The following CHMP4B variants were observed in gnomAD, a reference collection of about 807,000 sequenced individuals.
CHMP4B encodes the protein SNF7 homolog associated with Alix 1.
Under a neutral mutation model 25.1 loss-of-function variants are expected in CHMP4B, and 1 was observed. The ratio of observed to expected loss-of-function variants is 0.04; its 90% CI spans 0.01 to 0.19. CHMP4B has a LOEUF of 0.19. CHMP4B is among the 10% of genes least tolerant of loss of function. CHMP4B has a pLI of 1.00. For synonymous variants in CHMP4B, 101 were observed against 115.6 expected, an observed-to-expected ratio of 0.87 and a Z score of 0.81; for missense variants, 151 against 289.7, an observed-to-expected ratio of 0.52 and a Z score of 3.48.
chr20:33,836,292 G>A (rs184954159), intron 1 of CHMP4B, among the ~76,000 whole-genome samples: 32 of 151,916 alleles, frequency 2.1e-4, no homozygotes, highest in African/African-American at 7.0e-4. Flanking sequence ...TATTTCTGTC[G>A]TCCTATATTC....
intron 1 of CHMP4B, among the ~76,000 whole-genome samples, chr20:33,825,990 G>A (rs1175886585): frequency 6.6e-6 from 1 of 152,174 alleles, no homozygotes; most frequent in Non-Finnish European, 1.5e-5. Flanking sequence ...GTTCCACCCA[G>A]TTTGGCAAAT....
At chr20:33,829,682 C>T (rs903973457) in intron 1 of CHMP4B, among the ~76,000 whole-genome samples, 6 of 152,280 alleles carry the variant, frequency 3.9e-5, no homozygotes, top group African/African-American at 9.6e-5. Context: ...AATATATGCA[C>T]GTACAGCTCT....
chr20:33,851,370 A>T (rs1979841707), intron 3 of CHMP4B, among the ~76,000 whole-genome samples: 1 of 152,164 alleles, frequency 6.6e-6, no homozygotes, highest in Non-Finnish European at 1.5e-5. Context: ...GGCAGCAGAG[A>T]TGACCATGCC....
chr20:33,821,855 C>T (rs753711236), intron 1 of CHMP4B, among the ~76,000 whole-genome samples: 19 of 152,086 alleles, frequency 1.2e-4, no homozygotes, highest in Non-Finnish European at 2.4e-4. Flanking sequence ...GTCTTGCTGT[C>T]GCCCAGGCTG....
intron 1 of CHMP4B, among the ~76,000 whole-genome samples, chr20:33,842,388 G>A (rs554647521): frequency 6.2e-4 from 95 of 152,288 alleles, no homozygotes; most frequent in African/African-American, 2.1e-3. Flanking sequence ...CACTTCCTCC[G>A]TCCAGCAGAG....
Position 33,811,503 on chromosome 20 carries a change from G to A in CHMP4B, c.35G>A (p.Gly12Glu), listed in dbSNP as rs767032910. The A allele has an allele frequency of 3.8e-6, 6 of 1,596,050 alleles. No homozygotes were observed. The highest frequency in any genetic ancestry group is 1.8e-5 in the Admixed American group (1 of 56,788). The part of the protein sequence containing the change: ...SVFGKLFGAG[G>E]GKAGKGGPTP... ...TTCGGGAAGCTGTTCGGGGCTGGAG[G>A]GGGTAAGGCCGGCAAGGGCGGCCCG... The change falls in exon 1 of 5, where the codon GGG becomes GAG. Residue 12 changes from glycine to glutamate, a missense_variant. Physicochemically the swap from Gly to Glu is moderately conservative, Grantham distance 98 (BLOSUM62 -2). Around this residue, in one of 3 missense-constraint regions of CHMP4B, gnomAD observed 28 missense variants for 30.5 expected, o/e 0.92. Coordinates refer to ENST00000217402, the MANE Select transcript of CHMP4B (RefSeq NM_176812.5).
At chr20:33,847,345 A>T (rs1979714423) in intron 1 of CHMP4B, among the ~76,000 whole-genome samples, 1 of 152,038 alleles carries the variant, frequency 6.6e-6, no homozygotes, top group Non-Finnish European at 1.5e-5. Flanking sequence ...TAGAATAACC[A>T]GCTCAAAATA....
At chr20:33,832,117 C>G (rs1979268804) in intron 1 of CHMP4B, among the ~76,000 whole-genome samples, 1 of 152,152 alleles carries the variant, frequency 6.6e-6, no homozygotes, top group South Asian at 2.1e-4. Flanking sequence ...GCATTTCACT[C>G]TCTTCCCAAC....
chr20:33,833,742 C>A (rs1336521846), intron 1 of CHMP4B, among the ~76,000 whole-genome samples: 1 of 152,130 alleles, frequency 6.6e-6, no homozygotes, highest in Non-Finnish European at 1.5e-5. Flanking sequence ...CCTCTGGGCT[C>A]TCTCCTACCA....
chr20:33,851,655 C>T (rs1282719163), intron 3 of CHMP4B, among the ~76,000 whole-genome samples: 8 of 152,086 alleles, frequency 5.3e-5, no homozygotes, highest in Admixed American at 2.6e-4. Context: ...GCTGTATAAC[C>T]GAGAAAACAG....
At chr20:33,812,517 G>T (rs936212288) in intron 1 of CHMP4B, among the ~76,000 whole-genome samples, 2 of 152,170 alleles carry the variant, frequency 1.3e-5, no homozygotes, top group African/African-American at 2.4e-5. Flanking sequence ...TCCTGTTGTC[G>T]TATGGCTTTC....
At position 33,825,368 on chromosome 20, in the gene CHMP4B, T is replaced by C. The variant is rs2122789614; in HGVS notation, c.190+13710T>C. Among the ~76,000 whole-genome samples, 2 of 152,318 alleles carry C rather than the reference T, an allele frequency of 1.3e-5. 1 individual carries two copies. Among genetic ancestry groups the C allele is most frequent in the African/African-American group, 4.8e-5 (2 of 41,572 alleles). ...TTATTATTGTGTGATATATTCATCA[T>C]TTAGTGCACAGGCAGGGCACAGTTG... On this transcript the variant is annotated intron_variant, in intron 1 of 4. Coordinates refer to ENST00000217402, the MANE Select transcript of CHMP4B (RefSeq NM_176812.5).
At chr20:33,835,302 G>A (rs190974725) in intron 1 of CHMP4B, among the ~76,000 whole-genome samples, 10 of 152,182 alleles carry the variant, frequency 6.6e-5, no homozygotes, top group Admixed American at 5.2e-4. Context: ...GATGTGCTTT[G>A]GTATATGTGG....
chr20:33,824,689 C>T (rs778894510), intron 1 of CHMP4B, among the ~76,000 whole-genome samples: 2 of 152,178 alleles, frequency 1.3e-5, no homozygotes, highest in Non-Finnish European at 2.9e-5. Flanking sequence ...ACATTTTGGA[C>T]TGGATAATTT....
intron 1 of CHMP4B, among the ~76,000 whole-genome samples, chr20:33,812,534 T>C (rs1978661636): frequency 6.6e-6 from 1 of 152,256 alleles, no homozygotes; most frequent in Non-Finnish European, 1.5e-5. Context: ...TTTCTGGGCA[T>C]TCCAAGTGCT....
At chr20:33,849,322 G>A (rs1979774967) in intron 2 of CHMP4B, among the ~76,000 whole-genome samples, 1 of 152,202 alleles carries the variant, frequency 6.6e-6, no homozygotes, top group South Asian at 2.1e-4. Flanking sequence ...ATTTGGGCTG[G>A]GTGAGGTGGC....
chr20:33,814,098 G>A (rs1265936453), intron 1 of CHMP4B, among the ~76,000 whole-genome samples: 3 of 152,226 alleles, frequency 2.0e-5, no homozygotes, highest in Non-Finnish European at 2.9e-5. Context: ...GCCAACTGTG[G>A]AGGACCAATC....
chr20:33,823,601 G>A (rs757689660), intron 1 of CHMP4B, among the ~76,000 whole-genome samples: 40 of 152,120 alleles, frequency 2.6e-4, no homozygotes, highest in Admixed American at 9.8e-4. Context: ...GAAGGGGCAC[G>A]ATCTAGGCTC....
intron 1 of CHMP4B, 26 bp from the exon 2 acceptor site, chr20:33,848,441 G>A (rs372664891): frequency 1.2e-6 from 2 of 1,613,218 alleles, no homozygotes; most frequent in Admixed American, 3.3e-5. Context: ...GGGACTCTCT[G>A]AAACCCTGTT....
Sources: gnomAD v4.1 joint callset for allele counts (sites outside exome capture counted in the v4.1 genomes callset) on GRCh38, gnomAD v4.1.1 for gene constraint, gnomAD v4.1.1 regional missense constraint, MANE v1.5 for transcripts, NCBI Gene and HGNC (gene_info 2026-07-23, HGNC 2026-07-21) for gene names.